Variants in DIRAS1 observed in about 807,000 individuals in gnomAD.
DIRAS1 encodes the protein GTP-binding protein Di-Ras1.
DIRAS1 carries 3 observed loss-of-function variants against 11.5 expected under a neutral mutation model. The ratio of observed to expected loss-of-function variants is 0.26; its 90% CI spans 0.12 to 0.67. DIRAS1 has a LOEUF of 0.67. Ranked by LOEUF, DIRAS1 falls within the 30% of genes least tolerant of loss-of-function variation. The probability of loss-of-function intolerance (pLI) is 0.80; values close to 1 mark genes in which losing one functional copy is unlikely to be tolerated. For missense variants in DIRAS1, 212 were observed against 285.3 expected, an observed-to-expected ratio of 0.74 and a Z score of 1.85; for synonymous variants, 128 against 125.8, an observed-to-expected ratio of 1.02 and a Z score of -0.12.
In DIRAS1 at chr19:2,717,375, G is replaced by A. The variant is rs1391849282; in HGVS notation, c.432C>T (p.Cys144=). 4.4e-6 allele frequency: 7 copies of A among 1,608,828 alleles called. No homozygotes were observed. The highest frequency in any genetic ancestry group is 2.2e-5 in the East Asian group (1 of 44,870). The change falls in exon 2 of 2, where the codon TGC becomes TGT. Residue 144 remains cysteine (C), a synonymous_variant. Transcript: ENST00000323469. ...TCTTGGCCGAGGTCTCCATGAAAGC[G>A]CACTTCCACTCCTGGGCCACCGCCT... ...EAQAVAQEWK[C]AFMETSAKMN... is the part of the protein sequence containing the mutation.
At position 2,717,131 on chromosome 19, in the gene DIRAS1, A is replaced by C; in HGVS notation, c.*79T>G. The C allele has an allele frequency of 1.5e-6, 2 of 1,335,458 alleles. No individual in the cohort carries two copies. Among genetic ancestry groups the C allele is most frequent in the Non-Finnish European group, 2.0e-6 (2 of 1,011,966 alleles). 82.7% of individuals were successfully genotyped at this position (1,335,458 alleles called of 1,614,324 possible). On this transcript the variant is annotated 3_prime_UTR_variant, in exon 2 of 2. Coordinates refer to ENST00000323469, the MANE Select transcript of DIRAS1 (RefSeq NM_145173.4). Reference sequence around the variant, plus strand: ...GGAGGAAGGATGAGAGAAGAGGAGGAGGCCGAGGAGGGTGTCGGTGTTGGG... The same window carrying C: ...GGAGGAAGGATGAGAGAAGAGGAGGCGGCCGAGGAGGGTGTCGGTGTTGGG...
chr19:2,717,730 C>T lies in DIRAS1; in HGVS notation c.77G>A (p.Arg26His), dbSNP rs769868409. 4 of 1,606,906 alleles carry T rather than the reference C, an allele frequency of 2.5e-6. No individual in the cohort carries two copies. The highest frequency in any genetic ancestry group is 2.5e-6 in the Non-Finnish European group (3 of 1,179,964). Residue 26 changes from arginine to histidine, a missense_variant, in exon 2 of 2, where the codon CGC becomes CAC. Around this residue, in one of 2 missense-constraint regions of DIRAS1, gnomAD observed 128 missense variants for 205.3 expected, o/e 0.62. Coordinates refer to ENST00000323469, the MANE Select transcript of DIRAS1 (RefSeq NM_145173.4). Reference sequence around the variant, plus strand: ...GTCGCGGAACGTGCCCTTCACGAAGCGCAGCACCAGCGAGCTCTTGCCCAC... The same window carrying T: ...GTCGCGGAACGTGCCCTTCACGAAGTGCAGCACCAGCGAGCTCTTGCCCAC... ...GGVGKSSLVLRFVKGTFRDTY... is the reference protein window; with the variant it reads ...GGVGKSSLVLHFVKGTFRDTY...
chr19:2,717,459 C>G lies in DIRAS1; in HGVS notation c.348G>C (p.Val116=). The change falls in exon 2 of 2, where the codon GTG becomes GTC. Residue 116 remains valine (V), a synonymous_variant. Transcript: ENST00000323469. ...QIKGSVEDIP[V]MLVGNKCDET... ...CATCGCACTTGTTGCCCACGAGCATCACGGGGATGTCCTCCACGCTGCCCT... is the reference window on the plus strand; with the variant it reads ...CATCGCACTTGTTGCCCACGAGCATGACGGGGATGTCCTCCACGCTGCCCT... 6.2e-7 allele frequency: 1 copy of G among 1,610,882 alleles called. No individual in the cohort carries two copies. Among genetic ancestry groups the G allele is most frequent in the Non-Finnish European group, 8.5e-7 (1 of 1,180,002 alleles).
At position 2,718,409 on chromosome 19, in the gene DIRAS1, G is replaced by C. The variant is rs1040364644; in HGVS notation, c.-69-534C>G. On this transcript the variant is annotated intron_variant, in intron 1 of 1. Transcript: ENST00000323469. The surrounding 1 kb of genome is among the most constrained non-coding windows in gnomAD (Gnocchi z 4.2). The stretch of plus-strand genomic sequence containing the variant: ...AACCCAGAGATGGCCAATCCTCATG[G>C]AAGCCGCACATGGTCGGGTGTTTAA... Among the ~76,000 whole-genome samples the C allele has an allele frequency of 6.6e-6, 1 of 152,242 alleles. No individual in the cohort carries two copies. Among genetic ancestry groups the C allele is most frequent in the African/African-American group, 2.4e-5 (1 of 41,466 alleles).
In DIRAS1 at chr19:2,717,034, C is replaced by T. The variant is rs1913822473; in HGVS notation, c.*176G>A. 2 of 651,678 alleles carry T rather than the reference C, an allele frequency of 3.1e-6. No homozygotes were observed. The highest frequency in any genetic ancestry group is 5.2e-6 in the Non-Finnish European group (2 of 386,934). The allele number at this position is 651,678 out of a possible 1,614,324, so 40.4% of individuals were successfully genotyped here. A position where few individuals can be genotyped will look rare whatever the true frequency, so the allele number is the denominator to read the frequency against. ...GAGAGCAGGGGAGGAAGAAAAGCCC[C>T]AGCCCTGCCTCGGGGTGGGCAGGGG... On this transcript the variant is annotated 3_prime_UTR_variant, in exon 2 of 2. Transcript: ENST00000323469.
chr19:2,720,287 C>A (rs1913924057), intron 1 of DIRAS1, among the ~76,000 whole-genome samples: 1 of 152,184 alleles, frequency 6.6e-6, no homozygotes, highest in Non-Finnish European at 1.5e-5. Context: ...CCAGCCTTTG[C>A]CTTGCTGCGG....
chr19:2,720,992 G>A (rs1357214196), intron 1 of DIRAS1, among the ~76,000 whole-genome samples: 2 of 150,268 alleles, frequency 1.3e-5, no homozygotes, highest in East Asian at 4.0e-4. Context: ...GGAGGGAGGA[G>A]GCCCTGCCCG....
In DIRAS1 at chr19:2,717,417, C is replaced by T; in HGVS notation, c.390G>A (p.Val130=). Residue 130 remains valine (V), a synonymous_variant, in exon 2 of 2, where the codon GTG becomes GTA. Coordinates refer to ENST00000323469, the MANE Select transcript of DIRAS1 (RefSeq NM_145173.4). ...CCACCGCCTGCGCCTCGCGCGTGTC[C>T]ACCTCCCGCTGCGTCTCATCGCACT... is the stretch of plus-strand genomic sequence containing the variant. ...GNKCDETQRE[V]DTREAQAVAQ... is the part of the protein sequence containing the mutation. 6.2e-7 allele frequency: 1 copy of T among 1,608,076 alleles called. No homozygotes were observed. The highest frequency in any genetic ancestry group is 8.5e-7 in the Non-Finnish European group (1 of 1,179,992).
rs1323365540 is a variant in DIRAS1 at position 2,716,424 on chromosome 19, C to G, written c.*786G>C. On this transcript the variant is annotated 3_prime_UTR_variant, in exon 2 of 2. Coordinates refer to ENST00000323469, the MANE Select transcript of DIRAS1 (RefSeq NM_145173.4). Reference sequence around the variant, plus strand: ...CCCACCCGCCATGCGTTGCTAACGTCTCTGTCTTGGTGGAAGAGGCGGGTC... The same window carrying G: ...CCCACCCGCCATGCGTTGCTAACGTGTCTGTCTTGGTGGAAGAGGCGGGTC... 6.6e-6 allele frequency: 1 copy of G among 152,498 alleles called. No individual in the cohort carries two copies. The highest frequency in any genetic ancestry group is 1.5e-5 in the Non-Finnish European group (1 of 68,104). The allele number at this position is 152,498 out of a possible 1,614,324, so 9.4% of individuals were successfully genotyped here. A position where few individuals can be genotyped will look rare whatever the true frequency, so the allele number is the denominator to read the frequency against.
rs540660086 is a variant in DIRAS1, at chr19:2,718,839, A to G, written c.-69-964T>C. 2.0e-5 allele frequency among the ~76,000 whole-genome samples: 3 copies of G among 151,248 alleles called. No individual in the cohort carries two copies. Among genetic ancestry groups the G allele is most frequent in the African/African-American group, 7.3e-5 (3 of 41,086 alleles). On this transcript the variant is annotated intron_variant, in intron 1 of 1. Transcript: ENST00000323469. This position sits in a 1 kb window ranked among gnomAD's most constrained non-coding sequence, Gnocchi z 4.2. ...TGCACCTGGCCTTCTTATTTTTTTT[A>G]AAACCAAGTCTTGCTCTGTTGCCCA...
chr19:2,721,114 C>T (rs1180571233), intron 1 of DIRAS1, among the ~76,000 whole-genome samples, 190 bp downstream of exon 1: 4 of 142,286 alleles, frequency 2.8e-5, no homozygotes, highest in Non-Finnish European at 6.1e-5. Context: ...CCAAGGTGAG[C>T]GCGGAGGGGC....
rs1913841076 is a variant in DIRAS1, at chr19:2,717,298, C to T, written c.509G>A (p.Arg170His). The change falls in exon 2 of 2, where the codon CGC becomes CAC. Residue 170 changes from arginine (R) to histidine (H), a missense_variant. Around this residue, in one of 2 missense-constraint regions of DIRAS1, gnomAD observed 84 missense variants for 79.9 expected, o/e 1.05. Transcript: ENST00000323469. The part of the protein sequence containing the change: ...LFQELLTLET[R>H]RNMSLNIDGK... The stretch of plus-strand genomic sequence containing the variant: ...GTCGATGTTGAGGCTCATGTTCCGG[C>T]GCGTCTCCAGCGTCAGCAGCTCCTG... 21 of 1,612,398 alleles carry T rather than the reference C, an allele frequency of 1.3e-5. No individual in the cohort carries two copies. Among genetic ancestry groups the T allele is most frequent in the Non-Finnish European group, 1.6e-5 (19 of 1,179,908 alleles).
chr19:2,717,196 C>A lies in DIRAS1; in HGVS notation c.*14G>T. 6.4e-7 allele frequency: 1 copy of A among 1,560,456 alleles called. No individual in the cohort carries two copies. The highest frequency in any genetic ancestry group is 8.7e-7 in the Non-Finnish European group (1 of 1,150,916). On this transcript the variant is annotated 3_prime_UTR_variant, in exon 2 of 2. Transcript: ENST00000323469. ...TCAGTGGGGGTGGGCGGCGGGCAGG[C>A]GGGCGTTCCGGGCTCACATGAGGGT...
chr19:2,718,781 T>C lies in DIRAS1; in HGVS notation c.-69-906A>G, dbSNP rs1375740074. On this transcript the variant is annotated intron_variant, in intron 1 of 1. Coordinates refer to ENST00000323469, the MANE Select transcript of DIRAS1 (RefSeq NM_145173.4). This position sits in a 1 kb window ranked among gnomAD's most constrained non-coding sequence, Gnocchi z 4.2. ...CTCAGGTGATCCACCCACCTCGGCC[T>C]CCCAAAGTGCTGGGGTTACAGGCGT... Among the ~76,000 whole-genome samples, 1 of 152,044 alleles carries C rather than the reference T, an allele frequency of 6.6e-6. No individual in the cohort carries two copies. The highest frequency in any genetic ancestry group is 1.5e-5 in the Non-Finnish European group (1 of 68,012).
chr19:2,717,606 C>G lies in DIRAS1; in HGVS notation c.201G>C (p.Gln67His). The G allele has an allele frequency of 6.2e-7, 1 of 1,613,380 alleles. No individual in the cohort carries two copies. Among genetic ancestry groups the G allele is most frequent in the Non-Finnish European group, 8.5e-7 (1 of 1,179,926 alleles). Residue 67 changes from glutamine (Q) to histidine (H), a missense_variant, in exon 2 of 2, where the codon CAG (glutamine) becomes CAC (histidine). This residue lies in a region of DIRAS1 where 128 missense variants were observed against 205.3 expected (regional missense o/e 0.62). Transcript: ENST00000323469. ...TGGACAGGCGCTGCATGGCCGGGAA[C>G]TGGTGGCTGCCGGTGGTGTCTGTGA... is the stretch of plus-strand genomic sequence containing the variant. ...LQITDTTGSH[Q>H]FPAMQRLSIS...
chr19:2,715,748 A>T lies in DIRAS1; in HGVS notation c.*1462T>A, dbSNP rs1457726544. 6.6e-6 allele frequency: 1 copy of T among 152,246 alleles called. No individual in the cohort carries two copies. Among genetic ancestry groups the T allele is most frequent in the Non-Finnish European group, 1.5e-5 (1 of 68,058 alleles). 9.4% of individuals were successfully genotyped at this position (152,246 alleles called of 1,614,324 possible). On this transcript the variant is annotated 3_prime_UTR_variant, in exon 2 of 2. Transcript: ENST00000323469. ...AACCGAAAGTCACATTGCTAGAGTC[A>T]TGTTGCTATAGAGTGGAACACAGAT...
rs942823720 is a variant in DIRAS1 at position 2,718,613 on chromosome 19, C to T, written c.-69-738G>A. On this transcript the variant is annotated intron_variant, in intron 1 of 1. Coordinates refer to ENST00000323469, the MANE Select transcript of DIRAS1 (RefSeq NM_145173.4). The surrounding 1 kb of genome is among the most constrained non-coding windows in gnomAD (Gnocchi z 4.2). ...CAATCTTGGCTCGCCGCAACCTCCA[C>T]CTCCCGGGTTCAAGCTATTCTCTTG... 6.6e-6 allele frequency among the ~76,000 whole-genome samples: 1 copy of T among 152,214 alleles called. No individual in the cohort carries two copies. Among genetic ancestry groups the T allele is most frequent in the Admixed American group, 6.5e-5 (1 of 15,278 alleles).
At chr19:2,721,111 G>C (rs1913945402) in intron 1 of DIRAS1, among the ~76,000 whole-genome samples, 193 bp downstream of exon 1, 1 of 149,050 alleles carries the variant, frequency 6.7e-6, no homozygotes, top group Non-Finnish European at 1.5e-5. Context: ...TGTCCAAGGT[G>C]AGCGCGGAGG....
rs781070538 is a variant in DIRAS1, at chr19:2,715,763, G to A, written c.*1447C>T. On this transcript the variant is annotated 3_prime_UTR_variant, in exon 2 of 2. Transcript: ENST00000323469. Reference sequence around the variant, plus strand: ...TGCTAGAGTCATGTTGCTATAGAGTGGAACACAGATCGTGTCCCTCAATCA... The same window carrying A: ...TGCTAGAGTCATGTTGCTATAGAGTAGAACACAGATCGTGTCCCTCAATCA... The A allele has an allele frequency of 1.3e-5, 2 of 152,182 alleles. No individual in the cohort carries two copies. Among genetic ancestry groups the A allele is most frequent in the Non-Finnish European group, 2.9e-5 (2 of 68,054 alleles). 9.4% of individuals were successfully genotyped at this position (152,182 alleles called of 1,614,324 possible). A position where few individuals can be genotyped will look rare whatever the true frequency, so the allele number is the denominator to read the frequency against.
Sources: allele counts gnomAD v4.1 joint callset (sites outside exome capture counted in the v4.1 genomes callset), GRCh38; gene constraint gnomAD v4.1.1; regional missense constraint gnomAD v4.1.1; non-coding constraint Gnocchi (gnomAD v3.1); transcripts MANE v1.5; gene names NCBI Gene and HGNC (gene_info 2026-07-23, HGNC 2026-07-21).